COQ8A: variants seen among roughly 807,000 people sequenced by gnomAD.
COQ8A encodes atypical kinase COQ8A, mitochondrial.
Under a neutral mutation model 65.0 loss-of-function variants are expected in COQ8A, and 51 were observed. The observed-to-expected ratio is 0.78, with a 90% confidence interval of 0.63 to 0.99. The LOEUF is 0.99. COQ8A is among the 50% of genes least tolerant of loss of function. The probability of loss-of-function intolerance (pLI) is 0.00; values close to 1 mark genes in which losing one functional copy is unlikely to be tolerated. For missense variants in COQ8A, 940 were observed against 875.0 expected (o/e 1.07, Z -0.94); for synonymous variants, 371 against 353.2 (o/e 1.05, Z -0.57).
At chr1:226,969,976 CT>C (rs796926377) in intron 4 of COQ8A, among the ~76,000 whole-genome samples, 1 of 151,014 alleles carries the variant, frequency 6.6e-6, no homozygotes, top group African/African-American at 2.4e-5. Flanking sequence ...ATGCGTCTCT[CT>C]TTTTTTTTGG....
intron 5 of COQ8A, among the ~76,000 whole-genome samples, chr1:226,978,106 G>A (rs1013068710): frequency 7.6e-5 from 4 of 52,830 alleles, no homozygotes; most frequent in South Asian, 6.6e-4. Context: ...ACCCGCACAC[G>A]TCACACACCC....
intron 14 of COQ8A, 35 bp downstream of exon 14, chr1:226,985,375 T>A: frequency 6.2e-7 from 1 of 1,601,650 alleles, no homozygotes; most frequent in Non-Finnish European, 8.5e-7. Context: ...CTGGGCCTGC[T>A]GACCCAGGGC....
At chr1:226,978,746 T>TACACATCCTCC (rs376711121) in intron 5 of COQ8A, among the ~76,000 whole-genome samples, 21 of 64,256 alleles carry the variant, frequency 3.3e-4, no homozygotes, top group Non-Finnish European at 4.8e-4. Context: ...CACACCTCCT[T>TACACATCCTCC]ACACACCCAC....
At chr1:226,984,435 AGTCCCTAGG>A in intron 11 of COQ8A, 104 bp from the exon 12 acceptor site, 1 of 1,279,302 alleles carries the variant, frequency 7.8e-7, no homozygotes, top group Non-Finnish European at 1.1e-6. Context: ...GGAATCAAAC[AGTCCCTAGG>A]GTAGGGTGGG....
intron 2 of COQ8A, among the ~76,000 whole-genome samples, 165 bp from the exon 3 acceptor site, chr1:226,964,835 C>T (rs578205954): frequency 6.6e-6 from 1 of 152,334 alleles, no homozygotes; most frequent in East Asian, 1.9e-4. Context: ...GGTCCCGGCT[C>T]CCAGGCTGGG....
chr1:226,966,538 T>A (rs530343737), intron 4 of COQ8A, among the ~76,000 whole-genome samples: 1 of 152,270 alleles, frequency 6.6e-6, no homozygotes, highest in South Asian at 2.1e-4. Flanking sequence ...CCAGGTGATA[T>A]AATTAATGGA....
At chr1:226,973,994 C>A (rs1035376903) in intron 4 of COQ8A, among the ~76,000 whole-genome samples, 1 of 152,246 alleles carries the variant, frequency 6.6e-6, no homozygotes, top group Non-Finnish European at 1.5e-5. Flanking sequence ...CTCACCCCTG[C>A]CCTTAAGCAC....
chr1:226,984,344 G>T, intron 11 of COQ8A, 109 bp downstream of exon 11: 1 of 1,525,350 alleles, frequency 6.6e-7, no homozygotes, highest in Non-Finnish European at 8.9e-7. Flanking sequence ...GCTCCCTGGG[G>T]GTGAGGGGCA....
In COQ8A at chr1:226,984,920, C is replaced by G; in HGVS notation, c.1551C>G (p.Ser517=). ...GGGCAACGCGGGAATATGACAGATC[C>G]TTCACCGACCTCTACATTCAGGTAA... ...DFGATREYDR[S]FTDLYIQIIR... is the part of the protein sequence containing the mutation. The change falls in exon 13 of 15, where the codon TCC becomes TCG. Residue 517 remains serine, a synonymous_variant. Coordinates refer to ENST00000366777, the MANE Select transcript of COQ8A (RefSeq NM_020247.5). 6.2e-7 allele frequency: 1 copy of G among 1,614,110 alleles called. No homozygotes were observed. The highest frequency in any genetic ancestry group is 1.7e-5 in the Admixed American group (1 of 60,020).
intron 8 of COQ8A, 160 bp from the exon 9 acceptor site, chr1:226,983,392 C>A: frequency 1.4e-6 from 1 of 737,666 alleles, no homozygotes; most frequent in Non-Finnish European, 2.4e-6. Context: ...TGATGGGGTC[C>A]AGGTCACGGC....
chr1:226,968,314 G>A (rs1320262490), intron 4 of COQ8A, among the ~76,000 whole-genome samples: 1 of 152,124 alleles, frequency 6.6e-6, no homozygotes, highest in Non-Finnish European at 1.5e-5. Context: ...CAGTGGGGGC[G>A]ACAGAGTGAG....
intron 12 of COQ8A, 64 bp downstream of exon 12, chr1:226,984,719 G>A (rs1659970195): frequency 6.5e-7 from 1 of 1,535,072 alleles, no homozygotes; most frequent in Admixed American, 1.7e-5. Flanking sequence ...GGGCACGTGA[G>A]GCCCTGGACT....
intron 1 of COQ8A, among the ~76,000 whole-genome samples, chr1:226,944,090 G>T (rs1371974497): frequency 6.6e-6 from 1 of 152,094 alleles, no homozygotes; most frequent in Non-Finnish European, 1.5e-5. Context: ...GGAGCTGGGG[G>T]AGGAAGCTGA....
At chr1:226,970,811 T>C (rs142415098) in intron 4 of COQ8A, among the ~76,000 whole-genome samples, 14 of 152,240 alleles carry the variant, frequency 9.2e-5, no homozygotes, top group African/African-American at 3.1e-4. Context: ...ATATTTGCCC[T>C]TTTTTGTGTT....
chr1:226,969,586 T>C (rs1406087863), intron 4 of COQ8A, among the ~76,000 whole-genome samples: 1 of 152,238 alleles, frequency 6.6e-6, no homozygotes, highest in East Asian at 1.9e-4. Context: ...TTCATTCTTA[T>C]GTTATGCCTC....
intron 4 of COQ8A, among the ~76,000 whole-genome samples, chr1:226,967,703 G>A (rs1658649585): frequency 6.6e-6 from 1 of 152,210 alleles, no homozygotes; most frequent in Non-Finnish European, 1.5e-5. Context: ...GGGAGCCTGG[G>A]TTAGTGGAGT....
At chr1:226,981,267 A>T (rs920429475) in intron 5 of COQ8A, among the ~76,000 whole-genome samples, 1 of 152,168 alleles carries the variant, frequency 6.6e-6, no homozygotes, top group Non-Finnish European at 1.5e-5. Context: ...ATAGGGGGGA[A>T]GCTAGAGAGG....
rs372661856 is a variant in COQ8A, at chr1:226,981,999, C to T, written c.731-28C>T. ...CCCACTCCCAGACCCCCCCGAGTGC[C>T]GTGGTGACCCCTCTTGCCCGCCCAC... On this transcript the variant is annotated intron_variant, in intron 5 of 14. Transcript: ENST00000366777. 241 of 1,612,832 alleles carry T rather than the reference C, an allele frequency of 1.5e-4. 1 individual carries two copies. Among genetic ancestry groups the T allele is most frequent in the South Asian group, 1.3e-3 (115 of 91,080 alleles).
At chr1:226,967,116 C>T (rs1202151880) in intron 4 of COQ8A, among the ~76,000 whole-genome samples, 1 of 152,206 alleles carries the variant, frequency 6.6e-6, no homozygotes, top group Non-Finnish European at 1.5e-5. Flanking sequence ...TATCACACCT[C>T]CCTGAGTTCT....
Sources: gnomAD v4.1 joint callset for allele counts (sites outside exome capture counted in the v4.1 genomes callset) on GRCh38, gnomAD v4.1.1 for gene constraint, MANE v1.5 for transcripts, NCBI Gene and HGNC (gene_info 2026-07-23, HGNC 2026-07-21) for gene names.